COQ6: variants seen among roughly 807,000 people sequenced by gnomAD.
COQ6 encodes the protein ubiquinone biosynthesis monooxygenase COQ6, mitochondrial.
COQ6 carries 45 observed loss-of-function variants against 55.5 expected under a neutral mutation model. The observed-to-expected ratio is 0.81, with a 90% CI of 0.64 to 1.04. COQ6 has a LOEUF of 1.04. COQ6 is among the 50% of genes least tolerant of loss of function. COQ6 has a pLI of 0.00. For missense variants in COQ6, 550 were observed against 601.3 expected, an observed-to-expected ratio of 0.91 and a Z score of 0.89; for synonymous variants, 206 against 230.5, an observed-to-expected ratio of 0.89 and a Z score of 0.96.
chr14:73,951,980 C>CAAAA (rs71115933), intron 1 of COQ6, among the ~76,000 whole-genome samples: 1 of 79,772 alleles, frequency 1.3e-5, no homozygotes, highest in African/African-American at 4.8e-5. Context: ...CTCGATATCT[C>CAAAA]AAAAAAAAAA....
intron 8 of COQ6, chr14:73,960,767 C>A: frequency 2.4e-6 from 1 of 413,216 alleles, no homozygotes; most frequent in Non-Finnish European, 4.1e-6. Flanking sequence ...CAGAGAAAGA[C>A]TGGAGGAGTT....
intron 2 of COQ6, among the ~76,000 whole-genome samples, chr14:73,954,859 A>T (rs1174969431): frequency 6.6e-6 from 1 of 150,840 alleles, no homozygotes; most frequent in East Asian, 1.9e-4. Flanking sequence ...AAAAAAAAAA[A>T]AAATACATGG....
chr14:73,958,275 T>C lies in COQ6; in HGVS notation c.610T>C (p.Leu204=), dbSNP rs766136714. 3 of 1,614,058 alleles carry C rather than the reference T, an allele frequency of 1.9e-6. No homozygotes were observed. The East Asian group carries it at 6.7e-5, about 36-fold the overall frequency. Reference sequence around the variant, plus strand: ...TGGCAGCACCTTCCAGACCAAATTGTTGGTAGTTGAAGATTCTTATTTTGC... The same window carrying C: ...TGGCAGCACCTTCCAGACCAAATTGCTGGTAGTTGAAGATTCTTATTTTGC... ...GDGSTFQTKL[L]IGADGHNSGV... Residue 204 remains leucine, a splice_region_variant and synonymous_variant, in exon 5 of 12, where the codon TTG becomes CTG. Coordinates refer to ENST00000334571, the MANE Select transcript of COQ6 (RefSeq NM_182476.3).
intron 5 of COQ6, 165 bp downstream of exon 5, chr14:73,958,442 C>A: frequency 6.7e-7 from 1 of 1,488,608 alleles, no homozygotes; most frequent in Non-Finnish European, 9.0e-7. Flanking sequence ...ATGGTCTCAT[C>A]GTAAATCCTG....
chr14:73,954,101 C>T (rs1327271648), intron 2 of COQ6, among the ~76,000 whole-genome samples: 5 of 152,214 alleles, frequency 3.3e-5, no homozygotes, highest in Admixed American at 2.0e-4. Context: ...TTTCCCTGCT[C>T]TATTTTTCTT....
chr14:73,955,182 T>C (rs1211297649), intron 2 of COQ6: 2 of 489,688 alleles, frequency 4.1e-6, no homozygotes, highest in East Asian at 7.9e-5. Flanking sequence ...CTCTATCTCC[T>C]GATCTCGTGA....
chr14:73,950,178 A>G, upstream of COQ6: 1 of 1,570,328 alleles, frequency 6.4e-7, no homozygotes, highest in Non-Finnish European at 8.6e-7. Context: ...CCGAGGAGGC[A>G]AGGTTCGTTT....
chr14:73,955,328 A>G (rs921873624), intron 2 of COQ6, 123 bp from the exon 3 acceptor site: 5 of 783,544 alleles, frequency 6.4e-6, no homozygotes, highest in Admixed American at 3.7e-5. Context: ...ATCAAACAAG[A>G]TAGAAGTGGA....
Position 73,953,421 on chromosome 14 carries a change from T to A in COQ6, c.164-14T>A. On this transcript the variant is annotated splice_polypyrimidine_tract_variant and intron_variant, in intron 1 of 11. Transcript: ENST00000334571. ...TTGATTTTCCTAAGATGATATAAAT[T>A]TTCTTTTTTTAAGGATATGATATTC... 6.2e-7 allele frequency: 1 copy of A among 1,606,250 alleles called. No homozygotes were observed. The highest frequency in any genetic ancestry group is 8.5e-7 in the Non-Finnish European group (1 of 1,173,484).
intron 5 of COQ6, chr14:73,958,481 A>C: frequency 7.1e-7 from 1 of 1,406,472 alleles, no homozygotes; most frequent in Non-Finnish European, 9.3e-7. Context: ...GGGCCGTCTT[A>C]GGTTGTGAAA....
At position 73,963,208 on chromosome 14, in the gene COQ6, A is replaced by G; in HGVS notation, c.*209A>G. On this transcript the variant is annotated 3_prime_UTR_variant, in exon 12 of 12. Transcript: ENST00000334571. ...GTATATTAGCCAGACCAAAGGAAAA[A>G]ACTTCGAAGGAAGACTTACAATTTG... 1 of 598,860 alleles carries G rather than the reference A, an allele frequency of 1.7e-6. No homozygotes were observed. The highest frequency in any genetic ancestry group is 2.8e-5 in the East Asian group (1 of 35,480). 37.1% of individuals were successfully genotyped at this position (598,860 alleles called of 1,614,324 possible).
chr14:73,954,507 T>C (rs1234782340), intron 2 of COQ6, among the ~76,000 whole-genome samples: 1 of 152,092 alleles, frequency 6.6e-6, no homozygotes, highest in African/African-American at 2.4e-5. Context: ...AAATTGTCTT[T>C]ACGAGGTTTA....
At chr14:73,958,003 C>T in intron 4 of COQ6, 144 bp from the exon 5 acceptor site, 1 of 752,524 alleles carries the variant, frequency 1.3e-6, no homozygotes, top group Admixed American at 1.9e-5. Context: ...TAGCTCAGAC[C>T]ACAGCATTAA....
At chr14:73,953,980 A>C (rs2056302434) in intron 2 of COQ6, among the ~76,000 whole-genome samples, 1 of 152,196 alleles carries the variant, frequency 6.6e-6, no homozygotes, top group Admixed American at 6.5e-5. Flanking sequence ...TAATGTGTGC[A>C]CATGGAACCA....
Position 73,950,343 on chromosome 14 carries a change from G to C in COQ6, c.11G>C (p.Arg4Pro), listed in dbSNP as rs771705289. 8.4e-6 allele frequency: 13 copies of C among 1,552,980 alleles called. No individual in the cohort carries two copies. Among genetic ancestry groups the C allele is most frequent in the Non-Finnish European group, 9.5e-6 (11 of 1,151,968 alleles). Residue 4 changes from arginine to proline, a missense_variant, in exon 1 of 12, where the codon CGG becomes CCG. Arg to Pro is a moderately radical substitution (Grantham distance 103). Coordinates refer to ENST00000334571, the MANE Select transcript of COQ6 (RefSeq NM_182476.3). MAA[R>P]LVSRCGAVRA... is the part of the protein sequence containing the mutation. ...GCGCAGGTCTGCACCATGGCGGCCC[G>C]GCTTGTCAGCCGATGCGGGGCTGTG...
Position 73,950,332 on chromosome 14 carries a change from C to A in COQ6, c.-1C>A. ...TGAGTGCGACGGCGCAGGTCTGCACCATGGCGGCCCGGCTTGTCAGCCGAT... is the reference window on the plus strand; with the variant it reads ...TGAGTGCGACGGCGCAGGTCTGCACAATGGCGGCCCGGCTTGTCAGCCGAT... On this transcript the variant is annotated 5_prime_UTR_variant, in exon 1 of 12. Coordinates refer to ENST00000334571, the MANE Select transcript of COQ6 (RefSeq NM_182476.3). 1 of 1,550,448 alleles carries A rather than the reference C, an allele frequency of 6.4e-7. No individual in the cohort carries two copies. The highest frequency in any genetic ancestry group is 8.7e-7 in the Non-Finnish European group (1 of 1,150,718).
intron 8 of COQ6, chr14:73,960,545 A>C: frequency 2.0e-6 from 2 of 1,006,040 alleles, no homozygotes; most frequent in Non-Finnish European, 2.4e-6. Context: ...ACTCTGGGCC[A>C]TTTAGTATAT....
In COQ6 at chr14:73,961,143, CTTGT is replaced by C. The variant is rs757449248; in HGVS notation, c.892-25_892-22del. ...TAATTCCCTGCTACTCACATTTCAC[CTTGT>C]TTGTCTTGTGGCTGATGCTGCTCAG... On this transcript the variant is annotated intron_variant, in intron 8 of 11. Coordinates refer to ENST00000334571, the MANE Select transcript of COQ6 (RefSeq NM_182476.3). 29 of 1,608,500 alleles carry C rather than the reference CTTGT, an allele frequency of 1.8e-5. No individual in the cohort carries two copies. In the African/African-American group the frequency reaches 2.8e-4, roughly 16 times the overall value.
At chr14:73,960,560 C>T in intron 8 of COQ6, 5 of 1,009,892 alleles carry the variant, frequency 5.0e-6, no homozygotes, top group Non-Finnish European at 5.9e-6. Context: ...GTATATATTC[C>T]TGGCACAGGT....
Sources: gnomAD v4.1 joint callset for allele counts (sites outside exome capture counted in the v4.1 genomes callset) on GRCh38, gnomAD v4.1.1 for gene constraint, MANE v1.5 for transcripts, NCBI Gene and HGNC (gene_info 2026-07-23, HGNC 2026-07-21) for gene names.